The following ZNF273 variants were observed in gnomAD, a reference collection of about 807,000 sequenced individuals.
ZNF273 encodes zinc finger protein 273.
In ZNF273, 11 loss-of-function variants were observed where a neutral mutation model predicts 14.9. That is an observed-to-expected ratio of 0.74 (90% CI 0.46 to 1.22). ZNF273 has a LOEUF of 1.22. ZNF273 is among the 50% of genes most tolerant of loss of function. The pLI is 0.00. For synonymous variants in ZNF273, 199 were observed against 223.9 expected (o/e 0.89, Z 0.99); for missense variants, 577 against 660.6 (o/e 0.87, Z 1.39).
At chr7:64,890,191 T>TGG, downstream of ZNF273, 1 of 24,750 alleles carries the variant, frequency 4.0e-5, no homozygotes, top group East Asian at 9.0e-4. Context: ...AGGTTAGGGG[T>TGG]GTGTGTGTGT....
intron 3 of ZNF273, among the ~76,000 whole-genome samples, chr7:64,896,923 T>C (rs1792395656): frequency 6.6e-6 from 1 of 152,184 alleles, no homozygotes. Context: ...GGTGAATAAA[T>C]ATAGAAAATG....
chr7:64,895,014 G>T (rs1368923125), intron 3 of ZNF273, among the ~76,000 whole-genome samples: 1 of 151,880 alleles, frequency 6.6e-6, no homozygotes, highest in African/African-American at 2.4e-5. Flanking sequence ...GCGTGTACCT[G>T]TAATCTCAGC....
In ZNF273 at chr7:64,917,789, A is replaced by G. The variant is rs1794118321; in HGVS notation, c.229+82A>G. The G allele has an allele frequency of 4.9e-6, 7 of 1,436,974 alleles. No individual in the cohort carries two copies. The South Asian group carries it at 8.9e-5, about 18-fold the overall frequency. The allele number at this position is 1,436,974 out of a possible 1,614,324, so 89.0% of individuals were successfully genotyped here. A position where few individuals can be genotyped will look rare whatever the true frequency, so the allele number is the denominator to read the frequency against. On this transcript the variant is annotated intron_variant, in intron 2 of 3. Transcript: ENST00000476120. ...TTTTTTGGAAATTTCTGCTTTGCAT[A>G]AATAAATTTTAGATCCCTATTTTCA...
chr7:64,908,959 GAGTAC>G (rs1401708885), intron 1 of ZNF273, among the ~76,000 whole-genome samples: 2 of 152,144 alleles, frequency 1.3e-5, no homozygotes, highest in Non-Finnish European at 2.9e-5. Flanking sequence ...GCCCAGGCTG[GAGTAC>G]AGTGGGGTGA....
At position 64,930,117 on chromosome 7, in the gene ZNF273, G is replaced by A. The variant is rs998299888; in HGVS notation, c.*1079G>A. ...AACCTCAGGTGATATGCCCGCCTCG[G>A]CCTCCCAAAATGTTGGGATTACAGG... is the stretch of plus-strand genomic sequence containing the variant. On this transcript the variant is annotated 3_prime_UTR_variant, in exon 4 of 4. Transcript: ENST00000476120. 2 of 152,170 alleles carry A rather than the reference G, an allele frequency of 1.3e-5. No homozygotes were observed. Among genetic ancestry groups the A allele is most frequent in the East Asian group, 1.9e-4 (1 of 5,190 alleles). The allele number at this position is 152,170 out of a possible 1,614,324, so 9.4% of individuals were successfully genotyped here.
chr7:64,903,138 A>T, upstream of ZNF273: 2 of 535,044 alleles, frequency 3.7e-6, no homozygotes, highest in Non-Finnish European at 6.7e-6. Flanking sequence ...GCAACTGAGC[A>T]CACCTTCTGT....
intron 1 of ZNF273, among the ~76,000 whole-genome samples, chr7:64,916,382 A>T (rs1793990327): frequency 6.6e-6 from 1 of 150,912 alleles, no homozygotes; most frequent in African/African-American, 2.4e-5. Flanking sequence ...AAAAAAAAAA[A>T]AAAAAAATTA....
chr7:64,899,397 G>A (rs1969460), upstream of ZNF273, among the ~76,000 whole-genome samples: 62,176 of 152,098 alleles, frequency 0.41, 12,941 homozygotes, highest in South Asian at 0.45. Flanking sequence ...GCTCACGCCT[G>A]TAATCCCGAC....
At chr7:64,907,806 T>C (rs761613176) in intron 1 of ZNF273, among the ~76,000 whole-genome samples, 2 of 152,212 alleles carry the variant, frequency 1.3e-5, no homozygotes, top group African/African-American at 2.4e-5. Context: ...ACTGTCACAC[T>C]GCCCGTTGTC....
chr7:64,890,754 TG>T (rs1791977499), downstream of ZNF273, among the ~76,000 whole-genome samples: 1 of 151,252 alleles, frequency 6.6e-6, no homozygotes, highest in Non-Finnish European at 1.5e-5. Flanking sequence ...GTGTGTGGTT[TG>T]TATCAGTGTC....
At chr7:64,913,142 T>C (rs761611972) in intron 1 of ZNF273, among the ~76,000 whole-genome samples, 5 of 152,170 alleles carry the variant, frequency 3.3e-5, no homozygotes, top group African/African-American at 7.2e-5. Context: ...CAGCAACTTA[T>C]TTTCTATTCT....
chr7:64,916,149 T>C (rs1195201916), intron 1 of ZNF273, among the ~76,000 whole-genome samples: 2 of 150,708 alleles, frequency 1.3e-5, no homozygotes, highest in East Asian at 3.9e-4. Context: ...TGATCAGAGA[T>C]TGCATCACTG....
chr7:64,921,637 T>TTTTTTTTTTTTTTTTTTTTTG (rs750737426), intron 3 of ZNF273, among the ~76,000 whole-genome samples: 2 of 29,576 alleles, frequency 6.8e-5, no homozygotes, highest in African/African-American at 3.1e-4. Flanking sequence ...TTTTTTTTTT[T>TTTTTTTTTTTTTTTTTTTTTG]GTGTGTGAGA....
chr7:64,928,755 A>G lies in ZNF273; in HGVS notation c.1427A>G (p.His476Arg), dbSNP rs1794894228. Residue 476 changes from histidine to arginine, a missense_variant, in exon 4 of 4, where the codon CAT (histidine) becomes CGT (arginine). Physicochemically the swap from His to Arg is conservative, Grantham distance 29. Transcript: ENST00000476120. Reference sequence around the variant, plus strand: ...AGGGCATTCTCAACCCTTACTGAACATAAGAGAGTTCATACTGGAGAGAAA... The same window carrying G: ...AGGGCATTCTCAACCCTTACTGAACGTAAGAGAGTTCATACTGGAGAGAAA... ...AFRAFSTLTEHKRVHTGEKPY... is the reference protein window; with the variant it reads ...AFRAFSTLTERKRVHTGEKPY... The G allele has an allele frequency of 1.2e-6, 2 of 1,613,510 alleles. No homozygotes were observed. Among genetic ancestry groups the G allele is most frequent in the Non-Finnish European group, 1.7e-6 (2 of 1,179,820 alleles).
At chr7:64,891,455 T>C (rs1348395755), downstream of ZNF273, among the ~76,000 whole-genome samples, 2 of 152,208 alleles carry the variant, frequency 1.3e-5, no homozygotes, top group South Asian at 2.1e-4. Context: ...CTGGGTATGA[T>C]TGGAATCCAG....
chr7:64,877,737 G>A (rs1382718376), exon 1 of ZNF273: 2 of 152,354 alleles, frequency 1.3e-5, no homozygotes, highest in African/African-American at 2.4e-5. Flanking sequence ...GTGTGCTGGG[G>A]CGACCCAGCC....
At chr7:64,931,452 TA>T (rs755317890), downstream of ZNF273, among the ~76,000 whole-genome samples, 50 of 152,292 alleles carry the variant, frequency 3.3e-4, 2 homozygotes, top group African/African-American at 7.0e-4. Flanking sequence ...TTACAACAAT[TA>T]TTTTTTTTAT....
chr7:64,888,358 G>T (rs1791737576), intron 1 of ZNF273: 1 of 985,236 alleles, frequency 1.0e-6, no homozygotes, highest in South Asian at 4.7e-5. Context: ...CTCCCAGGGG[G>T]AAGCGGGTTA....
chr7:64,905,257 A>G (rs543075799), intron 1 of ZNF273, among the ~76,000 whole-genome samples: 34 of 151,474 alleles, frequency 2.2e-4, no homozygotes, highest in Admixed American at 1.6e-3. Flanking sequence ...CTGGGATTAC[A>G]AGTGCACGCC....
Sources: allele counts gnomAD v4.1 joint callset (sites outside exome capture counted in the v4.1 genomes callset), GRCh38; gene constraint gnomAD v4.1.1; transcripts MANE v1.5; gene names NCBI Gene and HGNC (gene_info 2026-07-23, HGNC 2026-07-21).